The following PPARGC1B variants were observed in gnomAD, a reference collection of about 807,000 sequenced individuals.
The protein encoded by PPARGC1B is peroxisome proliferator-activated receptor gamma coactivator 1-beta.
In PPARGC1B, 34 loss-of-function variants were observed where a neutral mutation model predicts 101.6. The ratio of observed to expected loss-of-function variants is 0.33; its 90% CI spans 0.25 to 0.45. The LOEUF (loss-of-function observed/expected upper bound fraction) is 0.45. Among genes scored for constraint, PPARGC1B ranks in the 20% least tolerant of loss-of-function variants. The probability of loss-of-function intolerance (pLI) is 1.00; values close to 1 mark genes in which losing one functional copy is unlikely to be tolerated. For missense variants in PPARGC1B, 1,234 were observed against 1,317.6 expected, an observed-to-expected ratio of 0.94 and a Z score of 0.98; for synonymous variants, 548 against 539.3, an observed-to-expected ratio of 1.02 and a Z score of -0.22.
chr5:149,804,556 C>G (rs565221352), intron 1 of PPARGC1B, among the ~76,000 whole-genome samples: 121 of 152,296 alleles, frequency 7.9e-4, no homozygotes, highest in African/African-American at 2.8e-3. Context: ...CCTGTAGTCC[C>G]AGCTACTCGG....
chr5:149,798,530 C>G (rs573198366), intron 1 of PPARGC1B, among the ~76,000 whole-genome samples: 1 of 152,304 alleles, frequency 6.6e-6, no homozygotes, highest in South Asian at 2.1e-4. Flanking sequence ...ATGGCCTCAG[C>G]TTAGTTGATT....
At chr5:149,841,149 G>A (rs776127377) in intron 9 of PPARGC1B, among the ~76,000 whole-genome samples, 1 of 152,178 alleles carries the variant, frequency 6.6e-6, no homozygotes, top group Admixed American at 6.5e-5. Flanking sequence ...TTAGTAATGT[G>A]CAATTAGTAA....
At chr5:149,834,879 A>G (rs1284757173) in intron 6 of PPARGC1B, among the ~76,000 whole-genome samples, 169 bp downstream of exon 6, 1 of 152,002 alleles carries the variant, frequency 6.6e-6, no homozygotes, top group African/African-American at 2.4e-5. Flanking sequence ...TTTAGAAGGG[A>G]GTTGGTGTTT....
chr5:149,791,149 G>A (rs1394032599), intron 1 of PPARGC1B, among the ~76,000 whole-genome samples: 1 of 138,278 alleles, frequency 7.2e-6, no homozygotes, highest in East Asian at 2.3e-4. Context: ...ATTTTTACAG[G>A]TGCATGCCTG....
chr5:149,771,249 G>A (rs1756122775), intron 1 of PPARGC1B, among the ~76,000 whole-genome samples: 1 of 152,222 alleles, frequency 6.6e-6, no homozygotes, highest in Non-Finnish European at 1.5e-5. Context: ...CTAGGAATGT[G>A]TAACCCCCAC....
rs1269411470 is a variant in PPARGC1B at position 149,846,575 on chromosome 5, AGT to A, written c.2971+663_2971+664del. The A allele has an allele frequency of 2.0e-5, 3 of 153,348 alleles. No homozygotes were observed. The East Asian group carries it at 5.8e-4, about 29-fold the overall frequency. The allele number at this position is 153,348 out of a possible 1,614,324, so 9.5% of individuals were successfully genotyped here. On this transcript the variant is annotated intron_variant, in intron 11 of 11. Transcript: ENST00000309241. ...CCTGAACCCAAGAGGTTGGAGCTGC[AGT>A]GAGCCATGATGGCACTACTGCATTC... is the stretch of plus-strand genomic sequence containing the variant.
chr5:149,793,436 T>TA (rs898480929), intron 1 of PPARGC1B, among the ~76,000 whole-genome samples: 3 of 152,164 alleles, frequency 2.0e-5, no homozygotes, highest in Non-Finnish European at 4.4e-5. Flanking sequence ...AAGGCCCTTA[T>TA]ACTGCCTCCC....
chr5:149,765,794 G>A (rs1022854634), intron 1 of PPARGC1B, among the ~76,000 whole-genome samples: 4 of 151,096 alleles, frequency 2.6e-5, no homozygotes, highest in Admixed American at 6.6e-5. Flanking sequence ...CCGGGAGGTG[G>A]AGCTTGCAGT....
At chr5:149,754,644 G>A (rs76626901) in intron 1 of PPARGC1B, among the ~76,000 whole-genome samples, 2,367 of 152,164 alleles carry the variant, frequency 0.016, 61 homozygotes, top group African/African-American at 0.055. Flanking sequence ...GCAGAGTGAG[G>A]CCCAGAGGAG....
At chr5:149,784,606 C>T (rs10476745) in intron 1 of PPARGC1B, among the ~76,000 whole-genome samples, 35,330 of 134,508 alleles carry the variant, frequency 0.26, 4,777 homozygotes, top group East Asian at 0.37. Context: ...CTCGCTCTGT[C>T]GCCCAGGCTG....
chr5:149,855,884 A>T (rs1207845868), downstream of PPARGC1B, among the ~76,000 whole-genome samples: 1 of 152,148 alleles, frequency 6.6e-6, no homozygotes, highest in Non-Finnish European at 1.5e-5. Flanking sequence ...TGGGAGGCTG[A>T]GGCGGGCGGA....
At chr5:149,761,002 A>G (rs1010304073) in intron 1 of PPARGC1B, among the ~76,000 whole-genome samples, 10 of 152,178 alleles carry the variant, frequency 6.6e-5, no homozygotes, top group Non-Finnish European at 1.5e-4. Context: ...TTGTTCAGTG[A>G]TGCTGGCAGG....
chr5:149,827,013 C>A, intron 3 of PPARGC1B, 128 bp downstream of exon 3: 1 of 765,034 alleles, frequency 1.3e-6, no homozygotes, highest in South Asian at 1.7e-5. Flanking sequence ...CAATATTGAT[C>A]ACAGCAGAGA....
chr5:149,765,194 C>A (rs142578252), intron 1 of PPARGC1B, among the ~76,000 whole-genome samples: 1 of 152,216 alleles, frequency 6.6e-6, no homozygotes, highest in Admixed American at 6.5e-5. Flanking sequence ...TTAAAGGAGG[C>A]GAGAAGGCAG....
rs775492420 is a variant in PPARGC1B, at chr5:149,826,822, A to T, written c.402A>T (p.Ala134=). The part of the protein sequence containing the change: ...CTSASPAPSS[A]PPSPAPEKPS... ...CAGCTTCGCCTGCCCCCTCATCTGCACCCCCCAGCCCTGCCCCGGAGAAGC... is the reference window on the plus strand; with the variant it reads ...CAGCTTCGCCTGCCCCCTCATCTGCTCCCCCCAGCCCTGCCCCGGAGAAGC... The change falls in exon 3 of 12, where the codon GCA becomes GCT. Residue 134 remains alanine, a synonymous_variant. Coordinates refer to ENST00000309241, the MANE Select transcript of PPARGC1B (RefSeq NM_133263.4). The T allele has an allele frequency of 4.3e-6, 7 of 1,613,286 alleles. No individual in the cohort carries two copies. The highest frequency in any genetic ancestry group is 5.9e-6 in the Non-Finnish European group (7 of 1,179,706).
chr5:149,768,804 C>T (rs1193332449), intron 1 of PPARGC1B, among the ~76,000 whole-genome samples: 1 of 152,150 alleles, frequency 6.6e-6, no homozygotes, highest in Non-Finnish European at 1.5e-5. Flanking sequence ...GCGTGAGCCA[C>T]CATGCCTGGC....
Position 149,822,988 on chromosome 5 carries a change from A to G in PPARGC1B, c.252+2382A>G, listed in dbSNP as rs577742871. Among the ~76,000 whole-genome samples, 167 of 152,242 alleles carry G rather than the reference A, an allele frequency of 1.1e-3. 1 individual carries two copies. Among genetic ancestry groups the G allele is most frequent in the African/African-American group, 3.9e-3 (162 of 41,494 alleles). On this transcript the variant is annotated intron_variant, in intron 2 of 11. Transcript: ENST00000309241. ...CAATTAAATGGCACCATTGTTATGG[A>G]AACAAACTGGGAGAGTAGAGAACAA...
At chr5:149,792,700 TAA>T (rs1469595453) in intron 1 of PPARGC1B, among the ~76,000 whole-genome samples, 1 of 152,176 alleles carries the variant, frequency 6.6e-6, no homozygotes, top group East Asian at 1.9e-4. Context: ...TGATGAAGGA[TAA>T]GAGCCTGAAT....
intron 1 of PPARGC1B, among the ~76,000 whole-genome samples, chr5:149,802,227 G>C (rs1157973499): frequency 6.6e-6 from 1 of 152,174 alleles, no homozygotes; most frequent in Non-Finnish European, 1.5e-5. Flanking sequence ...GTCTGGAAGA[G>C]CATTGTCCTA....
Sources: allele counts gnomAD v4.1 joint callset (sites outside exome capture counted in the v4.1 genomes callset), GRCh38; gene constraint gnomAD v4.1.1; transcripts MANE v1.5; gene names NCBI Gene and HGNC (gene_info 2026-07-23, HGNC 2026-07-21).